TBC1D7: variants seen among roughly 807,000 people sequenced by gnomAD.
The protein encoded by TBC1D7 is TBC1 domain family member 7.
Under a neutral mutation model 35.3 loss-of-function variants are expected in TBC1D7, and 33 were observed. The ratio of observed to expected loss-of-function variants is 0.93; its 90% CI spans 0.71 to 1.25. The LOEUF is 1.25. TBC1D7 is among the 50% of genes most tolerant of loss of function. The pLI, the probability that TBC1D7 is intolerant of heterozygous loss-of-function variation, is 0.00. For missense variants in TBC1D7, 362 were observed against 365.3 expected, an observed-to-expected ratio of 0.99 and a Z score of 0.07; for synonymous variants, 135 against 129.5, an observed-to-expected ratio of 1.04 and a Z score of -0.29.
At chr6:13,310,506 C>A (rs1460179375) in intron 5 of TBC1D7, among the ~76,000 whole-genome samples, 1 of 152,082 alleles carries the variant, frequency 6.6e-6, no homozygotes, top group Non-Finnish European at 1.5e-5. Flanking sequence ...GGCGTGGTGG[C>A]ATGTGCCGGT....
chr6:13,306,551 C>T, intron 6 of TBC1D7, 24 bp from the exon 7 acceptor site: 3 of 1,545,570 alleles, frequency 1.9e-6, no homozygotes, highest in Middle Eastern at 1.9e-4. Flanking sequence ...GAGATATAAT[C>T]AAATTATATG....
In TBC1D7 at chr6:13,328,514, T is replaced by TGCCGCC. The variant is rs1274475346; in HGVS notation, c.-228_-227insGGCGGC. ...AGACAAAACTCAGCGCCGCTGCCGC[T>TGCCGCC]GCCGCTGCCGCCGCCGCCGGACGTG... is the stretch of plus-strand genomic sequence containing the variant. On this transcript the variant is annotated 5_prime_UTR_variant, in exon 1 of 8. Coordinates refer to ENST00000379300, the MANE Select transcript of TBC1D7 (RefSeq NM_016495.6). 3 of 157,782 alleles carry TGCCGCC rather than the reference T, an allele frequency of 1.9e-5. No individual in the cohort carries two copies. The highest frequency in any genetic ancestry group is 4.2e-5 in the Non-Finnish European group (3 of 71,046). 9.8% of individuals were successfully genotyped at this position (157,782 alleles called of 1,614,324 possible). A position where few individuals can be genotyped will look rare whatever the true frequency, so the allele number is the denominator to read the frequency against.
intron 4 of TBC1D7, chr6:13,319,043 T>C (rs752944060): frequency 6.6e-6 from 1 of 152,362 alleles, no homozygotes; most frequent in Non-Finnish European, 1.5e-5. Context: ...TTCTGTGATA[T>C]TCCTGCCAAT....
At chr6:13,319,356 A>T (rs539408448) in intron 4 of TBC1D7, 5 of 151,372 alleles carry the variant, frequency 3.3e-5, no homozygotes, top group African/African-American at 1.2e-4. Flanking sequence ...GCTACTCTGG[A>T]GGCTGAGGCA....
chr6:13,319,878 T>G (rs1369665733), intron 4 of TBC1D7: 1 of 152,114 alleles, frequency 6.6e-6, no homozygotes, highest in African/African-American at 2.4e-5. Flanking sequence ...AAATAGCAAT[T>G]ACAAAGGGAA....
At chr6:13,316,490 C>T (rs1302854422) in intron 5 of TBC1D7, 81 bp downstream of exon 5, 3 of 1,447,180 alleles carry the variant, frequency 2.1e-6, no homozygotes, top group Non-Finnish European at 2.8e-6. Context: ...TGCAGCAGCC[C>T]CAGGAGGTAA....
At chr6:13,306,995 C>T (rs531181198) in intron 6 of TBC1D7, 1 of 155,394 alleles carries the variant, frequency 6.4e-6, no homozygotes, top group South Asian at 1.9e-4. Flanking sequence ...CGTAAGGAGC[C>T]AGTTACTGAT....
chr6:13,320,791 T>G (rs568953064), intron 4 of TBC1D7, 117 bp downstream of exon 4: 1 of 927,892 alleles, frequency 1.1e-6, no homozygotes, highest in East Asian at 2.4e-5. Context: ...TCACTTTTAT[T>G]CTAATAACAA....
intron 5 of TBC1D7, among the ~76,000 whole-genome samples, chr6:13,312,242 A>G (rs2496146): frequency 0.31 from 46,619 of 151,858 alleles, 7,394 homozygotes; most frequent in South Asian, 0.46. Context: ...CCAGACGGGG[A>G]GAAGAGGAAC....
chr6:13,325,128 G>A lies in TBC1D7; in HGVS notation c.159C>T (p.Ser53=), dbSNP rs1164604937. 6 of 1,613,664 alleles carry A rather than the reference G, an allele frequency of 3.7e-6. No homozygotes were observed. The African/African-American group carries it at 8.0e-5, about 22-fold the overall frequency. The change falls in exon 3 of 8, where the codon TCC becomes TCT. Residue 53 remains serine, a synonymous_variant. Transcript: ENST00000379300. ...CTFSQRFPLP[S]MYRALVWKVL... ...CCTTCCATACCAATGCACGGTACATGGACGGGAGAGGGAACCTCTGACTAA... is the reference window on the plus strand; with the variant it reads ...CCTTCCATACCAATGCACGGTACATAGACGGGAGAGGGAACCTCTGACTAA...
chr6:13,316,309 C>G (rs1390199675), intron 5 of TBC1D7, among the ~76,000 whole-genome samples: 4 of 152,214 alleles, frequency 2.6e-5, no homozygotes, highest in Non-Finnish European at 5.9e-5. Flanking sequence ...CAGAGCAAAT[C>G]CAGCCAGGAA....
chr6:13,308,238 A>C (rs1266222088), intron 5 of TBC1D7, among the ~76,000 whole-genome samples: 1 of 152,088 alleles, frequency 6.6e-6, no homozygotes, highest in African/African-American at 2.4e-5. Context: ...GTAAGACAAA[A>C]AGTGATGGTG....
chr6:13,309,814 A>C (rs1783066998), intron 5 of TBC1D7, among the ~76,000 whole-genome samples: 1 of 152,228 alleles, frequency 6.6e-6, no homozygotes, highest in Non-Finnish European at 1.5e-5. Flanking sequence ...GTTAATGAAT[A>C]ATCTTAAAAG....
At chr6:13,325,253 C>G (rs1584575975) in intron 2 of TBC1D7, 79 bp from the exon 3 acceptor site, 1 of 1,060,560 alleles carries the variant, frequency 9.4e-7, no homozygotes, top group African/African-American at 1.6e-5. Context: ...TTTTTTAAAA[C>G]TCAAAGAATA....
intron 2 of TBC1D7, 43 bp downstream of exon 2, chr6:13,326,744 G>T: frequency 1.6e-6 from 2 of 1,247,734 alleles, no homozygotes; most frequent in Non-Finnish European, 2.3e-6. Context: ...AGAACATGTG[G>T]AGTGATTGAG....
At chr6:13,313,565 A>G (rs1027414225) in intron 5 of TBC1D7, among the ~76,000 whole-genome samples, 10 of 152,354 alleles carry the variant, frequency 6.6e-5, no homozygotes, top group Non-Finnish European at 1.2e-4. Context: ...AGAGATACGC[A>G]TACACACAGG....
At chr6:13,318,366 T>C (rs972119227) in intron 4 of TBC1D7, among the ~76,000 whole-genome samples, 4 of 152,188 alleles carry the variant, frequency 2.6e-5, no homozygotes, top group African/African-American at 9.7e-5. Flanking sequence ...GCAGTAAAGG[T>C]GTCTCAGCTT....
At chr6:13,311,309 T>A (rs2127526811) in intron 5 of TBC1D7, among the ~76,000 whole-genome samples, 1 of 152,324 alleles carries the variant, frequency 6.6e-6, no homozygotes. Flanking sequence ...ATGAGAGACC[T>A]TGTCAAAAAG....
rs1278665379 is a variant in TBC1D7, at chr6:13,325,216, G to T, written c.113-42C>A. 4.3e-6 allele frequency: 6 copies of T among 1,395,958 alleles called. No homozygotes were observed. The South Asian group carries it at 5.9e-5, about 14-fold the overall frequency. The allele number at this position is 1,395,958 out of a possible 1,614,324, so 86.5% of individuals were successfully genotyped here. A position where few individuals can be genotyped will look rare whatever the true frequency, so the allele number is the denominator to read the frequency against. Reference sequence around the variant, plus strand: ...ACAATTGTTAGAAGCTTTTCATGCTGATCACAGTATGTCAAGGCACATTTC... The same window carrying T: ...ACAATTGTTAGAAGCTTTTCATGCTTATCACAGTATGTCAAGGCACATTTC... On this transcript the variant is annotated intron_variant, in intron 2 of 7. Coordinates refer to ENST00000379300, the MANE Select transcript of TBC1D7 (RefSeq NM_016495.6).
Sources: allele counts gnomAD v4.1 joint callset (sites outside exome capture counted in the v4.1 genomes callset), GRCh38; gene constraint gnomAD v4.1.1; transcripts MANE v1.5; gene names NCBI Gene and HGNC (gene_info 2026-07-23, HGNC 2026-07-21).